TOX2: variants seen among roughly 807,000 people sequenced by gnomAD.
The protein encoded by TOX2 is TOX high mobility group box family member 2, also known as granulosa cell HMG box 1.
Under a neutral mutation model 47.4 loss-of-function variants are expected in TOX2, and 15 were observed. The observed-to-expected ratio is 0.32, with a 90% CI of 0.21 to 0.49. The LOEUF (loss-of-function observed/expected upper bound fraction) is 0.49, where lower values mean the gene tolerates loss of function less well. Among genes scored for constraint, TOX2 ranks in the 20% least tolerant of loss-of-function variants. The probability of loss-of-function intolerance (pLI) is 0.99; values close to 1 mark genes in which losing one functional copy is unlikely to be tolerated. For synonymous variants in TOX2, 290 were observed against 296.6 expected (o/e 0.98, Z 0.23); for missense variants, 622 against 673.1 (o/e 0.92, Z 0.84).
At chr20:43,948,196 G>T (rs764019670) in intron 1 of TOX2, among the ~76,000 whole-genome samples, 7 of 152,176 alleles carry the variant, frequency 4.6e-5, no homozygotes, top group Non-Finnish European at 1.0e-4. Context: ...GGCACACAGG[G>T]GCCCAAACAC....
intron 4 of TOX2, among the ~76,000 whole-genome samples, chr20:44,053,733 G>C (rs2071569175): frequency 6.6e-6 from 1 of 151,506 alleles, no homozygotes; most frequent in Non-Finnish European, 1.5e-5. Flanking sequence ...TGGCTAACAG[G>C]CTCACTCAAT....
intron 3 of TOX2, among the ~76,000 whole-genome samples, chr20:44,013,031 C>T (rs889029178): frequency 6.6e-6 from 1 of 152,194 alleles, no homozygotes; most frequent in Non-Finnish European, 1.5e-5. Flanking sequence ...ACCTTAGTTG[C>T]CACTTGACCA....
intron 2 of TOX2, among the ~76,000 whole-genome samples, chr20:44,002,675 A>G (rs1485526750): frequency 6.6e-6 from 1 of 152,166 alleles, no homozygotes; most frequent in South Asian, 2.1e-4. Context: ...TGGCACCCAC[A>G]TCTGCTCAGC....
rs2069039398 is a variant in TOX2 at position 43,914,960 on chromosome 20, G to A, written c.69G>A (p.Leu23=). Residue 23 remains leucine, a synonymous_variant, in exon 1 of 9, where the codon CTG becomes CTA. Transcript: ENST00000341197. The surrounding 1 kb of genome is among the most constrained non-coding windows in gnomAD (Gnocchi z 4.5). ...GGCCCGGGGCCGAGCCGGCCGGCCTGGCGCACCTGGACTATTACCACGGCG... is the reference window on the plus strand; with the variant it reads ...GGCCCGGGGCCGAGCCGGCCGGCCTAGCGCACCTGGACTATTACCACGGCG... ...GARPGAEPAG[L]AHLDYYHGGK... The A allele has an allele frequency of 8.0e-7, 1 of 1,257,170 alleles. No individual in the cohort carries two copies. Among genetic ancestry groups the A allele is most frequent in the Non-Finnish European group, 1.0e-6 (1 of 1,000,440 alleles). 77.9% of individuals were successfully genotyped at this position (1,257,170 alleles called of 1,614,324 possible). A position where few individuals can be genotyped will look rare whatever the true frequency, so the allele number is the denominator to read the frequency against.
chr20:43,971,127 A>G (rs989133287), intron 1 of TOX2, among the ~76,000 whole-genome samples: 1 of 152,156 alleles, frequency 6.6e-6, no homozygotes, highest in Admixed American at 6.5e-5. Context: ...GGTGATCTGC[A>G]TGTGGTAGTG....
At chr20:43,927,401 C>T (rs11907990) in intron 1 of TOX2, among the ~76,000 whole-genome samples, 17,189 of 148,410 alleles carry the variant, frequency 0.12, 1,271 homozygotes, top group East Asian at 0.22. Flanking sequence ...TTTGGAAGGA[C>T]GAATGGAGTC....
At chr20:44,010,629 G>A (rs2070763490) in intron 3 of TOX2, among the ~76,000 whole-genome samples, 1 of 152,152 alleles carries the variant, frequency 6.6e-6, no homozygotes, top group Non-Finnish European at 1.5e-5. Context: ...GTGTGTGCGT[G>A]GGCATACACG....
chr20:44,027,076 A>C (rs1013797474), intron 3 of TOX2, among the ~76,000 whole-genome samples: 7 of 152,234 alleles, frequency 4.6e-5, no homozygotes, highest in Non-Finnish European at 7.3e-5. Context: ...TTAACTGAAT[A>C]TTCATGAGCT....
At chr20:43,959,978 G>C (rs1339434804) in intron 1 of TOX2, among the ~76,000 whole-genome samples, 2 of 152,060 alleles carry the variant, frequency 1.3e-5, no homozygotes, top group African/African-American at 2.4e-5. Flanking sequence ...AACTTCCTGG[G>C]TTTGAATCTT....
intron 1 of TOX2, among the ~76,000 whole-genome samples, chr20:43,919,850 A>G (rs1420719605): frequency 6.6e-6 from 1 of 152,210 alleles, no homozygotes; most frequent in African/African-American, 2.4e-5. Flanking sequence ...AAAGGACATG[A>G]TCTTGTTCCT....
chr20:44,012,783 A>G (rs989075211), intron 3 of TOX2, among the ~76,000 whole-genome samples: 6 of 152,256 alleles, frequency 3.9e-5, no homozygotes, highest in African/African-American at 9.6e-5. Context: ...TCCTCCCACT[A>G]CCAACGTCAC....
At chr20:44,055,205 A>G (rs1472237402) in intron 5 of TOX2, among the ~76,000 whole-genome samples, 3 of 152,244 alleles carry the variant, frequency 2.0e-5, no homozygotes, top group East Asian at 1.9e-4. Context: ...TTGAACTCAC[A>G]TCTGTAGAAG....
intron 3 of TOX2, among the ~76,000 whole-genome samples, chr20:44,035,879 T>C (rs556287016): frequency 3.9e-5 from 6 of 152,316 alleles, no homozygotes; most frequent in Non-Finnish European, 8.8e-5. Flanking sequence ...GGAAGCAGCC[T>C]GGGGCAGAGA....
intron 1 of TOX2, among the ~76,000 whole-genome samples, chr20:43,973,058 G>C (rs954725106): frequency 2.6e-5 from 4 of 152,372 alleles, no homozygotes; most frequent in African/African-American, 7.2e-5. Flanking sequence ...GGGCAGCTCA[G>C]CACATGGCAA....
intron 2 of TOX2, among the ~76,000 whole-genome samples, chr20:43,996,229 A>G (rs2070476733): frequency 6.6e-6 from 1 of 152,132 alleles, no homozygotes; most frequent in Non-Finnish European, 1.5e-5. Context: ...ATGGTATCTC[A>G]TTATGGTTTT....
At chr20:44,026,156 G>A (rs1472076566) in intron 3 of TOX2, among the ~76,000 whole-genome samples, 1 of 149,378 alleles carries the variant, frequency 6.7e-6, no homozygotes, top group Non-Finnish European at 1.5e-5. Context: ...CGTGATTATA[G>A]CAGCACAATT....
chr20:44,022,778 C>T (rs2070995987), intron 3 of TOX2, among the ~76,000 whole-genome samples: 1 of 152,214 alleles, frequency 6.6e-6, no homozygotes, highest in Non-Finnish European at 1.5e-5. Context: ...AAAGCTCCTC[C>T]ATGGGCAGGA....
At chr20:43,959,726 C>T (rs1600684299) in intron 1 of TOX2, among the ~76,000 whole-genome samples, 1 of 152,228 alleles carries the variant, frequency 6.6e-6, no homozygotes. Flanking sequence ...TACGCTCATG[C>T]GGCTTTTAGT....
chr20:43,974,511 G>T (rs2070038144), intron 2 of TOX2, among the ~76,000 whole-genome samples: 1 of 152,236 alleles, frequency 6.6e-6, no homozygotes, highest in South Asian at 2.1e-4. Flanking sequence ...GAGGGTTATA[G>T]CTGCTGAGAA....
Sources: allele counts gnomAD v4.1 joint callset (sites outside exome capture counted in the v4.1 genomes callset), GRCh38; gene constraint gnomAD v4.1.1; non-coding constraint Gnocchi (gnomAD v3.1); transcripts MANE v1.5; gene names NCBI Gene and HGNC (gene_info 2026-07-23, HGNC 2026-07-21).